Variants in SLC31A2 observed in about 807,000 individuals in gnomAD.
The protein encoded by SLC31A2 is protein SLC31A2.
In SLC31A2, 16 loss-of-function variants were observed where a neutral mutation model predicts 14.4. The observed-to-expected ratio is 1.11, with a 90% CI of 0.75 to 1.69. The LOEUF (loss-of-function observed/expected upper bound fraction) is 1.69. SLC31A2 is among the 40% of genes most tolerant of loss of function. The pLI is 0.00. For missense variants in SLC31A2, 140 were observed against 173.9 expected (o/e 0.81, Z 1.10); for synonymous variants, 56 against 68.7 (o/e 0.82, Z 0.91).
chr9:113,161,086 A>C (rs1830004647), intron 2 of SLC31A2: 1 of 157,096 alleles, frequency 6.4e-6, no homozygotes, highest in Non-Finnish European at 1.4e-5. Context: ...AAAGTTAGGC[A>C]AGAACATAAA....
At chr9:113,161,175 C>T (rs1830006367) in intron 2 of SLC31A2, 1 of 235,058 alleles carries the variant, frequency 4.3e-6, no homozygotes, top group Non-Finnish European at 8.1e-6. Flanking sequence ...TTTTTGCATA[C>T]TTACATATAA....
In SLC31A2 at chr9:113,162,932, G is replaced by A. The variant is rs754942353; in HGVS notation, c.*15G>A. 6.9e-6 allele frequency: 11 copies of A among 1,587,626 alleles called. No homozygotes were observed. Among genetic ancestry groups the A allele is most frequent in the East Asian group, 2.3e-5 (1 of 43,162 alleles). On this transcript the variant is annotated 3_prime_UTR_variant, in exon 4 of 4. Coordinates refer to ENST00000259392, the MANE Select transcript of SLC31A2 (RefSeq NM_001860.3). ...GCACAGCTTAGCTGGTGAGGAACGT[G>A]CAGGCACTGAGGCTGGAGGGACATG...
At chr9:113,152,570 C>T (rs796576138) in intron 1 of SLC31A2, among the ~76,000 whole-genome samples, 2 of 152,214 alleles carry the variant, frequency 1.3e-5, no homozygotes, top group African/African-American at 4.8e-5. Flanking sequence ...GTCTCTCAGG[C>T]GGCTTGGTCC....
At chr9:113,161,859 C>A in intron 3 of SLC31A2, 161 bp downstream of exon 3, 1 of 767,004 alleles carries the variant, frequency 1.3e-6, no homozygotes, top group Non-Finnish European at 2.2e-6. Flanking sequence ...TGAACTAGAG[C>A]TCATGTCTCC....
Position 113,162,813 on chromosome 9 carries a change from A to G in SLC31A2, c.328A>G (p.Ile110Val), listed in dbSNP as rs551003567. The change falls in exon 4 of 4, where the codon ATC becomes GTC. Residue 110 changes from isoleucine to valine, a missense_variant. Physicochemically the swap from Ile to Val is conservative, Grantham distance 29. Transcript: ENST00000259392. ...CATCCAGGTGGTCATCGGCTACTTC[A>G]TCATGCTGGCCGTAATGTCCTACAA... ...HVIQVVIGYF[I>V]MLAVMSYNTW... 1 of 1,613,752 alleles carries G rather than the reference A, an allele frequency of 6.2e-7. No individual in the cohort carries two copies. The highest frequency in any genetic ancestry group is 1.3e-5 in the African/African-American group (1 of 74,974).
chr9:113,154,784 C>T (rs1245603873), intron 1 of SLC31A2, among the ~76,000 whole-genome samples: 1 of 152,200 alleles, frequency 6.6e-6, no homozygotes. Flanking sequence ...ATCCTCTTTG[C>T]CTTTTCATCC....
At chr9:113,153,948 C>T (rs758616013) in intron 1 of SLC31A2, among the ~76,000 whole-genome samples, 24 of 151,906 alleles carry the variant, frequency 1.6e-4, no homozygotes, top group Non-Finnish European at 2.9e-5. Context: ...CCCCATCCAA[C>T]CCGGAAACAG....
rs930857680 is a variant in SLC31A2 at position 113,163,094 on chromosome 9, C to A, written c.*177C>A. 12 of 557,552 alleles carry A rather than the reference C, an allele frequency of 2.2e-5. No homozygotes were observed. Among genetic ancestry groups the A allele is most frequent in the Middle Eastern group, 4.8e-4 (1 of 2,074 alleles). 34.5% of individuals were successfully genotyped at this position (557,552 alleles called of 1,614,324 possible). On this transcript the variant is annotated 3_prime_UTR_variant, in exon 4 of 4. Coordinates refer to ENST00000259392, the MANE Select transcript of SLC31A2 (RefSeq NM_001860.3). ...TGGAGTTCGGAAGCCATTGCAGCAA[C>A]CTTCCTTCTCAGCCAGCCTACGTAG...
intron 1 of SLC31A2, among the ~76,000 whole-genome samples, chr9:113,155,714 T>C (rs1829924216): frequency 6.6e-6 from 1 of 152,074 alleles, no homozygotes; most frequent in Non-Finnish European, 1.5e-5. Flanking sequence ...CAGTACCTCC[T>C]AGCATCCTGT....
intron 1 of SLC31A2, among the ~76,000 whole-genome samples, chr9:113,153,951 G>A (rs1397027180): frequency 2.6e-5 from 4 of 151,704 alleles, no homozygotes; most frequent in South Asian, 2.1e-4. Context: ...CATCCAACCC[G>A]GAAACAGAGG....
At chr9:113,153,786 C>T (rs992515081) in intron 1 of SLC31A2, among the ~76,000 whole-genome samples, 7 of 152,182 alleles carry the variant, frequency 4.6e-5, no homozygotes, top group South Asian at 2.1e-4. Flanking sequence ...CCTGGGTAGG[C>T]GCAGGCAGGG....
At chr9:113,157,814 A>T (rs1403332938) in intron 2 of SLC31A2, 21 bp downstream of exon 2, 1 of 1,601,172 alleles carries the variant, frequency 6.2e-7, no homozygotes, top group Non-Finnish European at 8.5e-7. Context: ...GGGACCTCAG[A>T]CTTGTAGCTT....
intron 1 of SLC31A2, among the ~76,000 whole-genome samples, chr9:113,152,828 G>A (rs1829885198): frequency 6.6e-6 from 1 of 152,234 alleles, no homozygotes; most frequent in African/African-American, 2.4e-5. Context: ...GCTGTTTTGG[G>A]CTCCTAAGAT....
At chr9:113,154,995 A>G (rs544230514) in intron 1 of SLC31A2, among the ~76,000 whole-genome samples, 1 of 151,860 alleles carries the variant, frequency 6.6e-6, no homozygotes, top group Non-Finnish European at 1.5e-5. Context: ...CCTCTCCCCA[A>G]TTTCTTCCCA....
chr9:113,161,702 CA>C lies in SLC31A2; in HGVS notation c.263+5del. The C allele has an allele frequency of 6.2e-7, 1 of 1,613,790 alleles. No homozygotes were observed. Among genetic ancestry groups the C allele is most frequent in the Non-Finnish European group, 8.5e-7 (1 of 1,179,804 alleles). On this transcript the variant is annotated splice_donor_5th_base_variant and intron_variant, in intron 3 of 3. Transcript: ENST00000259392. ...CTGTTGGCAGAACCCACCACAGGTA[CA>C]GGCAGTGGGTATGGGAAAGGGGCAG...
At chr9:113,156,638 T>C (rs1287021147) in intron 1 of SLC31A2, among the ~76,000 whole-genome samples, 1 of 152,220 alleles carries the variant, frequency 6.6e-6, no homozygotes, top group African/African-American at 2.4e-5. Context: ...TGACAGTGTT[T>C]GCAGAACTGC....
chr9:113,155,908 T>A (rs912330292), intron 1 of SLC31A2: 5 of 361,952 alleles, frequency 1.4e-5, no homozygotes, highest in Non-Finnish European at 2.3e-5. Context: ...ACAAATGTGT[T>A]TTGTTCCAAA....
Position 113,151,114 on chromosome 9 carries a change from C to T in SLC31A2, c.6+34C>T. On this transcript the variant is annotated intron_variant, in intron 1 of 3. Coordinates refer to ENST00000259392, the MANE Select transcript of SLC31A2 (RefSeq NM_001860.3). The surrounding 1 kb of genome is among the most constrained non-coding windows in gnomAD (Gnocchi z 4.2). ...CGGGCGCTACGGTGAAGAGGGTGGG[C>T]GGTTGGGGCGGGGTCTCCTGGAGCT... 2 of 1,276,954 alleles carry T rather than the reference C, an allele frequency of 1.6e-6. No individual in the cohort carries two copies. The highest frequency in any genetic ancestry group is 2.0e-6 in the Non-Finnish European group (2 of 998,468). The allele number at this position is 1,276,954 out of a possible 1,614,324, so 79.1% of individuals were successfully genotyped here. A position where few individuals can be genotyped will look rare whatever the true frequency, so the allele number is the denominator to read the frequency against.
intron 2 of SLC31A2, among the ~76,000 whole-genome samples, chr9:113,158,880 G>A (rs1829968696): frequency 6.6e-6 from 1 of 152,212 alleles, no homozygotes; most frequent in Non-Finnish European, 1.5e-5. Context: ...ATCATAAGAA[G>A]GGGATGTGGG....
Sources: allele counts gnomAD v4.1 joint callset (sites outside exome capture counted in the v4.1 genomes callset), GRCh38; gene constraint gnomAD v4.1.1; non-coding constraint Gnocchi (gnomAD v3.1); transcripts MANE v1.5; gene names NCBI Gene and HGNC (gene_info 2026-07-23, HGNC 2026-07-21).